Variants in HTR7 observed in about 807,000 individuals in gnomAD.
The protein encoded by HTR7 is 5-hydroxytryptamine receptor 7.
In HTR7, 16 loss-of-function variants were observed where a neutral mutation model predicts 34.0. That is an observed-to-expected ratio of 0.47 (90% CI 0.32 to 0.71). The LOEUF (loss-of-function observed/expected upper bound fraction) is 0.71, where lower values mean the gene tolerates loss of function less well. Ranked by LOEUF, HTR7 falls within the 30% of genes least tolerant of loss-of-function variation. The pLI is 0.04. For missense variants in HTR7, 504 were observed against 625.5 expected (o/e 0.81, Z 2.07); for synonymous variants, 265 against 260.2 (o/e 1.02, Z -0.18).
At chr10:90,848,347 G>A (rs1262512829) in intron 1 of HTR7, among the ~76,000 whole-genome samples, 1 of 152,030 alleles carries the variant, frequency 6.6e-6, no homozygotes, top group Non-Finnish European at 1.5e-5. Context: ...TGGCATTATA[G>A]GTGTAAGCCA....
chr10:90,775,123 T>A (rs1437008191), intron 1 of HTR7, among the ~76,000 whole-genome samples: 1 of 152,218 alleles, frequency 6.6e-6, no homozygotes, highest in Non-Finnish European at 1.5e-5. Context: ...TTGATGTATA[T>A]CCTTCTAATA....
At chr10:90,755,578 T>C (rs1018034227) in intron 1 of HTR7, among the ~76,000 whole-genome samples, 3 of 152,206 alleles carry the variant, frequency 2.0e-5, no homozygotes, top group African/African-American at 4.8e-5. Flanking sequence ...GGCCTAAAGT[T>C]TGAAAATTAC....
chr10:90,762,353 T>C (rs1441267750), intron 1 of HTR7, among the ~76,000 whole-genome samples: 1 of 152,208 alleles, frequency 6.6e-6, no homozygotes, highest in African/African-American at 2.4e-5. Context: ...TGATCGCTCA[T>C]TGTGGTTCTG....
intron 1 of HTR7, among the ~76,000 whole-genome samples, chr10:90,799,511 C>A (rs545063568): frequency 4.6e-5 from 7 of 152,278 alleles, no homozygotes; most frequent in South Asian, 4.1e-4. Context: ...CAGCTGTCCA[C>A]TGGTGAGATT....
chr10:90,834,071 A>C (rs1846218058), intron 1 of HTR7, among the ~76,000 whole-genome samples: 1 of 152,244 alleles, frequency 6.6e-6, no homozygotes, highest in Non-Finnish European at 1.5e-5. Context: ...ATGCGAAAAC[A>C]GAAAATTTCA....
intron 1 of HTR7, among the ~76,000 whole-genome samples, chr10:90,835,999 T>G (rs984151982): frequency 6.6e-6 from 1 of 152,116 alleles, no homozygotes; most frequent in Non-Finnish European, 1.5e-5. Flanking sequence ...CTATCTGAGG[T>G]GTGATGATGC....
intron 2 of HTR7, chr10:90,743,899 C>G: frequency 1.4e-6 from 1 of 690,666 alleles, no homozygotes; most frequent in Non-Finnish European, 2.7e-6. Flanking sequence ...ACTTCATTAC[C>G]CCAGGGAAAA....
chr10:90,812,877 C>T (rs1473086883), intron 1 of HTR7, among the ~76,000 whole-genome samples: 3 of 152,192 alleles, frequency 2.0e-5, no homozygotes, highest in Non-Finnish European at 2.9e-5. Flanking sequence ...GCCCAGATGG[C>T]CTGAAGTAAC....
chr10:90,854,961 C>T (rs1293740022), intron 1 of HTR7, among the ~76,000 whole-genome samples: 1 of 152,118 alleles, frequency 6.6e-6, no homozygotes, highest in African/African-American at 2.4e-5. Context: ...TCATATTCTA[C>T]AACGGAATTG....
chr10:90,797,396 C>G (rs946054836), intron 1 of HTR7, among the ~76,000 whole-genome samples: 2 of 152,142 alleles, frequency 1.3e-5, no homozygotes, highest in African/African-American at 4.8e-5. Context: ...TGCTTCTAAT[C>G]TGACAACTGG....
intron 1 of HTR7, among the ~76,000 whole-genome samples, chr10:90,856,097 G>A (rs1846576543): frequency 9.4e-6 from 1 of 105,964 alleles, no homozygotes; most frequent in African/African-American, 3.7e-5. Flanking sequence ...CCCCTAGGCT[G>A]AAAGATCTAC....
intron 1 of HTR7, among the ~76,000 whole-genome samples, chr10:90,848,852 G>A (rs986229714): frequency 2.0e-5 from 3 of 152,138 alleles, no homozygotes; most frequent in Non-Finnish European, 4.4e-5. Context: ...AGAATCACCT[G>A]GGAATTTATG....
chr10:90,821,134 G>GTACACACA lies in HTR7; in HGVS notation c.539+35998_539+35999insTGTGTGTA, dbSNP rs1554857324. ...CACTCACACAAACACACACACACAT[G>GTACACACA]CACACACACACACACACACAAGCAC... On this transcript the variant is annotated intron_variant, in intron 1 of 3. Coordinates refer to ENST00000336152, the MANE Select transcript of HTR7 (RefSeq NM_019859.4). Among the ~76,000 whole-genome samples the GTACACACA allele has an allele frequency of 4.7e-5, 7 of 150,318 alleles. No homozygotes were observed. In the South Asian group the frequency reaches 1.3e-3, roughly 27 times the overall value.
intron 1 of HTR7, among the ~76,000 whole-genome samples, chr10:90,824,998 G>C (rs1029024627): frequency 7.9e-5 from 12 of 152,226 alleles, no homozygotes; most frequent in African/African-American, 2.7e-4. Context: ...ACAGGCAGTA[G>C]CCAGGTAGTG....
At chr10:90,798,404 G>A (rs1345718271) in intron 1 of HTR7, among the ~76,000 whole-genome samples, 1 of 152,142 alleles carries the variant, frequency 6.6e-6, no homozygotes, top group Non-Finnish European at 1.5e-5. Flanking sequence ...ATTGGACTGG[G>A]TTGGGTCCCA....
chr10:90,857,729 G>A lies in HTR7; in HGVS notation c.-58C>T. ...GCGCCCCGGCCACGCGCCTCCGGCT[G>A]CCGGCCCCGGGGCTTCACCTCACCG... On this transcript the variant is annotated 5_prime_UTR_variant, in exon 1 of 4. Coordinates refer to ENST00000336152, the MANE Select transcript of HTR7 (RefSeq NM_019859.4). This position sits in a 1 kb window ranked among gnomAD's most constrained non-coding sequence, Gnocchi z 6.5. 7.1e-7 allele frequency: 1 copy of A among 1,403,584 alleles called. No homozygotes were observed. Among genetic ancestry groups the A allele is most frequent in the South Asian group, 1.6e-5 (1 of 64,068 alleles). The allele number at this position is 1,403,584 out of a possible 1,614,324, so 86.9% of individuals were successfully genotyped here. A position where few individuals can be genotyped will look rare whatever the true frequency, so the allele number is the denominator to read the frequency against.
intron 1 of HTR7, among the ~76,000 whole-genome samples, chr10:90,809,268 G>T (rs376730050): frequency 6.6e-6 from 1 of 152,138 alleles, no homozygotes; most frequent in East Asian, 1.9e-4. Flanking sequence ...TAAAAAGGTG[G>T]CTGGAGCTAA....
In HTR7 at chr10:90,743,584, G is replaced by A; in HGVS notation, c.1393+9C>T. The A allele has an allele frequency of 6.2e-7, 1 of 1,607,534 alleles. No homozygotes were observed. Reference sequence around the variant, plus strand: ...CTATCTCCAAAGTCTCCCTTTCCTTGCTACCCACCTGCTAACCAATTGTGA... The same window carrying A: ...CTATCTCCAAAGTCTCCCTTTCCTTACTACCCACCTGCTAACCAATTGTGA... On this transcript the variant is annotated intron_variant, in intron 3 of 3. Coordinates refer to ENST00000336152, the MANE Select transcript of HTR7 (RefSeq NM_019859.4).
chr10:90,807,968 C>T (rs563233240), intron 1 of HTR7, among the ~76,000 whole-genome samples: 1 of 152,276 alleles, frequency 6.6e-6, no homozygotes, highest in East Asian at 1.9e-4. Context: ...TCAATCTCTC[C>T]CTTCTTTCAA....
Sources: gnomAD v4.1 joint callset for allele counts (sites outside exome capture counted in the v4.1 genomes callset) on GRCh38, gnomAD v4.1.1 for gene constraint, Gnocchi (gnomAD v3.1) non-coding constraint, MANE v1.5 for transcripts, NCBI Gene and HGNC (gene_info 2026-07-23, HGNC 2026-07-21) for gene names.